Variants in MAP2 observed in about 807,000 individuals in gnomAD.
MAP2 encodes microtubule-associated protein 2.
MAP2 carries 14 observed loss-of-function variants against 137.6 expected under a neutral mutation model. That is an observed-to-expected ratio of 0.10 (90% CI 0.07 to 0.16). MAP2 has a LOEUF of 0.16. MAP2 is among the 10% of genes least tolerant of loss of function. The pLI, the probability that MAP2 is intolerant of heterozygous loss-of-function variation, is 1.00. For missense variants in MAP2, 2,088 were observed against 2,191.5 expected (o/e 0.95, Z 0.94); for synonymous variants, 786 against 782.3 (o/e 1.00, Z -0.08).
At chr2:209,438,186 A>T (rs2149366968) in intron 1 of MAP2, among the ~76,000 whole-genome samples, 1 of 151,784 alleles carries the variant, frequency 6.6e-6, no homozygotes, top group African/African-American at 2.4e-5. Flanking sequence ...TTATTTTCCC[A>T]TGGCAAAGAA....
At chr2:209,509,156 A>G (rs903619107) in intron 2 of MAP2, among the ~76,000 whole-genome samples, 8 of 151,998 alleles carry the variant, frequency 5.3e-5, no homozygotes, top group Non-Finnish European at 8.8e-5. Context: ...TTTATATGGT[A>G]AACATGACAA....
At chr2:209,481,712 T>G (rs1708824275) in intron 1 of MAP2, among the ~76,000 whole-genome samples, 1 of 152,218 alleles carries the variant, frequency 6.6e-6, no homozygotes, top group Admixed American at 6.5e-5. Context: ...CTTAGGTCAC[T>G]TAACTATGAA....
chr2:209,538,317 G>A (rs1038278501), intron 2 of MAP2, among the ~76,000 whole-genome samples: 2 of 152,150 alleles, frequency 1.3e-5, no homozygotes, highest in African/African-American at 4.8e-5. Flanking sequence ...GAACTTTGTG[G>A]TGACTGACTT....
chr2:209,532,468 A>G (rs1051436954), intron 2 of MAP2, among the ~76,000 whole-genome samples: 1 of 152,172 alleles, frequency 6.6e-6, no homozygotes, highest in Admixed American at 6.5e-5. Flanking sequence ...TCCCTATTTT[A>G]AAGATGATGT....
At chr2:209,489,496 A>T (rs959472213) in intron 1 of MAP2, among the ~76,000 whole-genome samples, 1 of 152,174 alleles carries the variant, frequency 6.6e-6, no homozygotes, top group African/African-American at 2.4e-5. Context: ...AACTCCTCCG[A>T]CCTAAGGGAG....
At chr2:209,471,840 C>G (rs1009732751) in intron 1 of MAP2, among the ~76,000 whole-genome samples, 1 of 152,010 alleles carries the variant, frequency 6.6e-6, no homozygotes, top group Non-Finnish European at 1.5e-5. Context: ...TAAACCTGGT[C>G]TCTATTAGTA....
intron 13 of MAP2, among the ~76,000 whole-genome samples, chr2:209,710,992 G>A (rs773621278): frequency 6.6e-6 from 1 of 152,098 alleles, no homozygotes; most frequent in Non-Finnish European, 1.5e-5. Context: ...TTTGGACAAA[G>A]CAATTAGCCT....
At chr2:209,726,825 C>T (rs2074236939) in intron 14 of MAP2, among the ~76,000 whole-genome samples, 1 of 152,232 alleles carries the variant, frequency 6.6e-6, no homozygotes, top group South Asian at 2.1e-4. Context: ...TTGTAATTTT[C>T]TTGAGAATAT....
At chr2:209,458,276 A>G (rs1328330881) in intron 1 of MAP2, among the ~76,000 whole-genome samples, 1 of 152,122 alleles carries the variant, frequency 6.6e-6, no homozygotes, top group Non-Finnish European at 1.5e-5. Context: ...GGCAACACAG[A>G]GGGTCTGGAG....
intron 2 of MAP2, among the ~76,000 whole-genome samples, chr2:209,557,973 T>C (rs1375533612): frequency 6.6e-6 from 1 of 152,214 alleles, no homozygotes; most frequent in East Asian, 1.9e-4. Flanking sequence ...CACAATATTT[T>C]CTTCTCCAAA....
At position 209,693,175 on chromosome 2, in the gene MAP2, A is replaced by G. The variant is rs575706962; in HGVS notation, c.1005A>G (p.Thr335=). ...PLDVMKNEIV[T]ETSPFAPAFL... The stretch of plus-strand genomic sequence containing the variant: ...ATGTCATGAAGAATGAAATAGTTAC[A>G]GAAACATCGCCCTTTGCCCCTGCCT... Residue 335 remains threonine, a synonymous_variant, in exon 8 of 16, where the codon ACA becomes ACG. Transcript: ENST00000682079. The G allele has an allele frequency of 1.2e-6, 2 of 1,610,648 alleles. No homozygotes were observed. The highest frequency in any genetic ancestry group is 8.5e-7 in the Non-Finnish European group (1 of 1,179,084).
intron 1 of MAP2, among the ~76,000 whole-genome samples, chr2:209,464,918 T>A (rs1393891868): frequency 1.3e-5 from 2 of 152,142 alleles, no homozygotes; most frequent in Non-Finnish European, 2.9e-5. Flanking sequence ...ATATGTATAC[T>A]CACACATCCA....
chr2:209,593,807 A>T (rs1289869418), intron 3 of MAP2, among the ~76,000 whole-genome samples: 1 of 34,342 alleles, frequency 2.9e-5, no homozygotes, highest in Non-Finnish European at 5.9e-5. Context: ...TATAATATAT[A>T]ATATAATATA....
chr2:209,706,125 A>G (rs1171867762), intron 12 of MAP2, among the ~76,000 whole-genome samples: 1 of 152,168 alleles, frequency 6.6e-6, no homozygotes, highest in Non-Finnish European at 1.5e-5. Context: ...ATCTAACTAG[A>G]AAGTCGACAT....
At chr2:209,566,002 A>G (rs1387878696) in intron 2 of MAP2, among the ~76,000 whole-genome samples, 1 of 152,220 alleles carries the variant, frequency 6.6e-6, no homozygotes, top group Admixed American at 6.5e-5. Flanking sequence ...CAGCCAGTCA[A>G]TAATGATGAA....
chr2:209,725,912 C>A, intron 14 of MAP2, 122 bp downstream of exon 14: 1 of 556,204 alleles, frequency 1.8e-6, no homozygotes, highest in Non-Finnish European at 3.1e-6. Flanking sequence ...GGGTACTTCA[C>A]ATTTTTATTA....
intron 13 of MAP2, among the ~76,000 whole-genome samples, chr2:209,718,054 C>T (rs1003649304): frequency 6.6e-6 from 1 of 152,150 alleles, no homozygotes; most frequent in African/African-American, 2.4e-5. Flanking sequence ...TCAAAGTCAT[C>T]ATTATATCAG....
chr2:209,492,096 T>G, intron 1 of MAP2, among the ~76,000 whole-genome samples: 1 of 152,152 alleles, frequency 6.6e-6, no homozygotes. Context: ...TTATCGACTA[T>G]GATCAAGTTG....
At chr2:209,690,983 T>G (rs1361079987) in intron 7 of MAP2, 1 of 861,342 alleles carries the variant, frequency 1.2e-6, no homozygotes, top group Admixed American at 3.9e-5. Flanking sequence ...TGTTGTAGGC[T>G]TAATGTGCAG....
Sources: allele counts gnomAD v4.1 joint callset (sites outside exome capture counted in the v4.1 genomes callset), GRCh38; gene constraint gnomAD v4.1.1; transcripts MANE v1.5; gene names NCBI Gene and HGNC (gene_info 2026-07-23, HGNC 2026-07-21).